The following ASDURF variants were observed in gnomAD, a reference collection of about 807,000 sequenced individuals.
The protein encoded by ASDURF is ASDURF protein.
A neutral mutation model predicts 3.3 loss-of-function variants in ASDURF; 3 were observed. The ratio of observed to expected loss-of-function variants is 0.92; its 90% CI spans 0.42 to 2.37. The LOEUF (loss-of-function observed/expected upper bound fraction) is 2.37, where lower values mean the gene tolerates loss of function less well. Among genes scored for constraint, ASDURF ranks in the 30% most tolerant of loss-of-function variants. The pLI, the probability that ASDURF is intolerant of heterozygous loss-of-function variation, is 0.05. For synonymous variants in ASDURF, 11 were observed against 8.3 expected, an observed-to-expected ratio of 1.32 and a Z score of -0.55; for missense variants, 23 against 25.4, an observed-to-expected ratio of 0.90 and a Z score of 0.21.
At chr2:189,664,589 G>T (rs117731715) in intron 2 of ASDURF, among the ~76,000 whole-genome samples, 1 of 152,142 alleles carries the variant, frequency 6.6e-6, no homozygotes, top group Non-Finnish European at 1.5e-5. Flanking sequence ...AATATTAGAA[G>T]TTGAGGCACA....
Position 189,665,574 on chromosome 2 carries a change from G to A in ASDURF, c.220+123G>A, listed in dbSNP as rs892094662. ...TTCTTCAAATTAGGCTTCCGAAGAT[G>A]AGTCAACAGTTATATATATATGTGT... On this transcript the variant is annotated intron_variant, in intron 3 of 3. Coordinates refer to ENST00000607829, the MANE Select transcript of ASDURF (RefSeq NM_001353493.2). The A allele has an allele frequency of 2.2e-4, 49 of 224,362 alleles. 1 individual carries two copies. Among genetic ancestry groups the A allele is most frequent in the Non-Finnish European group, 3.4e-4 (43 of 125,262 alleles). 13.9% of individuals were successfully genotyped at this position (224,362 alleles called of 1,614,324 possible). A position where few individuals can be genotyped will look rare whatever the true frequency, so the allele number is the denominator to read the frequency against.
chr2:189,665,960 C>T (rs1423123851), intron 3 of ASDURF, 81 bp from the exon 4 acceptor site: 2 of 595,646 alleles, frequency 3.4e-6, no homozygotes, highest in East Asian at 3.0e-5. Flanking sequence ...TGGTAAACAG[C>T]TTGTGTTGCC....
At position 189,665,634 on chromosome 2, in the gene ASDURF, ATATATATATATATT is replaced by A. The variant is rs1277086983; in HGVS notation, c.220+184_220+197del. Among the ~76,000 whole-genome samples the A allele has an allele frequency of 1.4e-4, 17 of 124,596 alleles. 1 individual carries two copies. The highest frequency in any genetic ancestry group is 9.5e-4 in the East Asian group (4 of 4,196). The allele number at this position is 124,596 out of a possible 152,430, so 81.7% of individuals were successfully genotyped here. A position where few individuals can be genotyped will look rare whatever the true frequency, so the allele number is the denominator to read the frequency against. On this transcript the variant is annotated intron_variant, in intron 3 of 3. Coordinates refer to ENST00000607829, the MANE Select transcript of ASDURF (RefSeq NM_001353493.2). Reference sequence around the variant, plus strand: ...TATATATATATATATATATATATATATATATATATATATTATAAATGTTTTAGAAAGCAATAGTT... The same window carrying A: ...TATATATATATATATATATATATATAATAAATGTTTTAGAAAGCAATAGTT...
At chr2:189,664,964 C>T (rs558949224) in intron 2 of ASDURF, among the ~76,000 whole-genome samples, 1 of 152,260 alleles carries the variant, frequency 6.6e-6, no homozygotes, top group South Asian at 2.1e-4. Context: ...ATGGTAACAC[C>T]TTAAATGTCT....
rs2032794306 is a variant in ASDURF, at chr2:189,666,079, G to A, written c.259G>A (p.Glu87Lys). 8.2e-6 allele frequency: 12 copies of A among 1,468,680 alleles called. No homozygotes were observed. The highest frequency in any genetic ancestry group is 9.9e-6 in the Non-Finnish European group (11 of 1,108,182). The allele number at this position is 1,468,680 out of a possible 1,614,324, so 91.0% of individuals were successfully genotyped here. ...DELKKEYQEI[E>K]NLDKTKIKK ...ACTGAAAAAAGAATACCAAGAAATA[G>A]AAAACTTAGACAAGACCAAAATCAA... Residue 87 changes from glutamate to lysine, a missense_variant, in exon 4 of 4, where the codon GAA (glutamate) becomes AAA (lysine). Physicochemically the swap from Glu to Lys is moderately conservative, Grantham distance 56 (BLOSUM62 1). Coordinates refer to ENST00000607829, the MANE Select transcript of ASDURF (RefSeq NM_001353493.2).
intron 3 of ASDURF, 143 bp from the exon 4 acceptor site, chr2:189,665,898 T>G (rs887856261): frequency 4.8e-6 from 2 of 420,304 alleles, no homozygotes. Context: ...AGTAGCCTGT[T>G]GTTAATTATC....
chr2:189,666,266 A>C lies in ASDURF; in HGVS notation c.*155A>C. 2.5e-6 allele frequency: 4 copies of C among 1,614,128 alleles called. No homozygotes were observed. The highest frequency in any genetic ancestry group is 3.4e-6 in the Non-Finnish European group (4 of 1,180,014). ...CAATTGTTAAAGTCTGATGTTAACT[A>C]CCAGTGTTTATTTTCTGCTCACGTC... On this transcript the variant is annotated 3_prime_UTR_variant, in exon 4 of 4. Coordinates refer to ENST00000607829, the MANE Select transcript of ASDURF (RefSeq NM_001353493.2).
In ASDURF at chr2:189,666,096, C is replaced by A; in HGVS notation, c.276C>A (p.Thr92=). 2.7e-6 allele frequency: 4 copies of A among 1,485,446 alleles called. No homozygotes were observed. The highest frequency in any genetic ancestry group is 3.6e-6 in the Non-Finnish European group (4 of 1,120,280). 92.0% of individuals were successfully genotyped at this position (1,485,446 alleles called of 1,614,324 possible). ...EYQEIENLDK[T]KIKK is the part of the protein sequence containing the mutation. ...AAGAAATAGAAAACTTAGACAAGAC[C>A]AAAATCAAGAAATAGTCAACCTGAT... Residue 92 remains threonine, a synonymous_variant, in exon 4 of 4, where the codon ACC becomes ACA. Coordinates refer to ENST00000607829, the MANE Select transcript of ASDURF (RefSeq NM_001353493.2).
chr2:189,662,095 C>T (rs987346119), intron 1 of ASDURF, among the ~76,000 whole-genome samples: 1 of 152,182 alleles, frequency 6.6e-6, no homozygotes, highest in African/African-American at 2.4e-5. Context: ...TATCGGGACC[C>T]CTGCCCCCGG....
Position 189,661,571 on chromosome 2 carries a change from C to G in ASDURF, c.51C>G (p.Thr17=). Residue 17 remains threonine (T), a synonymous_variant, in exon 1 of 4, where the codon ACC becomes ACG. Coordinates refer to ENST00000607829, the MANE Select transcript of ASDURF (RefSeq NM_001353493.2). ...AGGACAGCTCTGTGCTGATCCCCAC[C>G]GACAATTCGACCCCACACAAGGAGG... The part of the protein sequence containing the change: ...RPEDSSVLIP[T]DNSTPHKEDL... 2.5e-6 allele frequency: 1 copy of G among 399,204 alleles called. No individual in the cohort carries two copies. The highest frequency in any genetic ancestry group is 3.6e-5 in the East Asian group (1 of 28,062). The allele number at this position is 399,204 out of a possible 1,614,324, so 24.7% of individuals were successfully genotyped here. A position where few individuals can be genotyped will look rare whatever the true frequency, so the allele number is the denominator to read the frequency against.
At chr2:189,664,065 A>G (rs1036467827) in intron 2 of ASDURF, 111 bp downstream of exon 2, 2 of 336,136 alleles carry the variant, frequency 5.9e-6, no homozygotes, top group Non-Finnish European at 1.1e-5. Flanking sequence ...AATAAAATGT[A>G]TAGTATTTCA....
In ASDURF at chr2:189,661,468, G is replaced by A; in HGVS notation, c.-53G>A. The A allele has an allele frequency of 2.5e-6, 1 of 399,202 alleles. No homozygotes were observed. Among genetic ancestry groups the A allele is most frequent in the Non-Finnish European group, 4.4e-6 (1 of 226,174 alleles). 24.7% of individuals were successfully genotyped at this position (399,202 alleles called of 1,614,324 possible). A position where few individuals can be genotyped will look rare whatever the true frequency, so the allele number is the denominator to read the frequency against. ...GAAGCGCGCATGCGCTGTGGCTAATGCCGTAGGCTCCTTCAGGGCTGAGCC... is the reference window on the plus strand; with the variant it reads ...GAAGCGCGCATGCGCTGTGGCTAATACCGTAGGCTCCTTCAGGGCTGAGCC... On this transcript the variant is annotated 5_prime_UTR_variant, in exon 1 of 4. It removes an upstream start codon present in the reference 5' UTR. Transcript: ENST00000607829.
At chr2:189,662,880 T>G (rs1041078274) in intron 1 of ASDURF, among the ~76,000 whole-genome samples, 1 of 138,402 alleles carries the variant, frequency 7.2e-6, no homozygotes, top group African/African-American at 2.8e-5. Context: ...CCCGGGAAGA[T>G]CAAAGCTGCA....
Position 189,666,105 on chromosome 2 carries a change from G to A in ASDURF, c.285G>A (p.Lys95=). The A allele has an allele frequency of 6.7e-7, 1 of 1,498,254 alleles. No homozygotes were observed. Among genetic ancestry groups the A allele is most frequent in the Non-Finnish European group, 8.9e-7 (1 of 1,127,404 alleles). 92.8% of individuals were successfully genotyped at this position (1,498,254 alleles called of 1,614,324 possible). Residue 95 remains lysine, a synonymous_variant, in exon 4 of 4, where the codon AAG becomes AAA. Coordinates refer to ENST00000607829, the MANE Select transcript of ASDURF (RefSeq NM_001353493.2). ...EIENLDKTKI[K]K ...AAAACTTAGACAAGACCAAAATCAA[G>A]AAATAGTCAACCTGATTTCACATAA...
At chr2:189,663,736 G>T (rs141112811) in intron 1 of ASDURF, among the ~76,000 whole-genome samples, 165 bp from the exon 2 acceptor site, 141 of 152,214 alleles carry the variant, frequency 9.3e-4, no homozygotes, top group African/African-American at 3.3e-3. Context: ...CCCACACAGA[G>T]ACTCCTGTTG....
At chr2:189,665,598 G>GTATATATATATATATATA (rs869147580) in intron 3 of ASDURF, 147 bp downstream of exon 3, 1 of 14,634 alleles carries the variant, frequency 6.8e-5, no homozygotes, top group African/African-American at 1.2e-4. Context: ...ATATATATGT[G>GTATATATATATATATATA]TATATATATA....
At chr2:189,664,930 A>T (rs1163081343) in intron 2 of ASDURF, among the ~76,000 whole-genome samples, 1 of 152,178 alleles carries the variant, frequency 6.6e-6, no homozygotes, top group East Asian at 1.9e-4. Flanking sequence ...AATCATCACA[A>T]CCTTGATTTA....
At chr2:189,665,478 T>TG (rs1372008162) in intron 3 of ASDURF, 27 bp downstream of exon 3, 4 of 396,004 alleles carry the variant, frequency 1.0e-5, no homozygotes, top group African/African-American at 2.1e-5. Context: ...TTGGGGTTTT[T>TG]GGGGGGTGCC....
At chr2:189,664,831 C>CTG (rs2032748822) in intron 2 of ASDURF, among the ~76,000 whole-genome samples, 3 of 84,334 alleles carry the variant, frequency 3.6e-5, no homozygotes, top group South Asian at 1.0e-3. Flanking sequence ...CAATTCAAAA[C>CTG]TATAACACTT....
Sources: allele counts gnomAD v4.1 joint callset (sites outside exome capture counted in the v4.1 genomes callset), GRCh38; gene constraint gnomAD v4.1.1; transcripts MANE v1.5; gene names NCBI Gene and HGNC (gene_info 2026-07-23, HGNC 2026-07-21).